The following CACNG3 variants were observed in gnomAD, a reference collection of about 807,000 sequenced individuals.
The protein encoded by CACNG3 is calcium voltage-gated channel auxiliary subunit gamma 3, also known as voltage-dependent calcium channel gamma-3 subunit.
In CACNG3, 3 loss-of-function variants were observed where a neutral mutation model predicts 28.5. That is an observed-to-expected ratio of 0.11 (90% confidence interval 0.05 to 0.27). The LOEUF (loss-of-function observed/expected upper bound fraction) is 0.27, where lower values mean the gene tolerates loss of function less well. Among genes scored for constraint, CACNG3 ranks in the 10% least tolerant of loss-of-function variants. The pLI is 1.00. For synonymous variants in CACNG3, 174 were observed against 162.2 expected (o/e 1.07, Z -0.55); for missense variants, 236 against 414.4 (o/e 0.57, Z 3.74).
intron 1 of CACNG3, among the ~76,000 whole-genome samples, chr16:24,309,776 TAC>T (rs1899235614): frequency 6.6e-6 from 1 of 152,006 alleles, no homozygotes; most frequent in Admixed American, 6.6e-5. Flanking sequence ...TGAGTGGGAA[TAC>T]AGAGGAGGAG....
chr16:24,296,206 C>T (rs1401664111), intron 1 of CACNG3, among the ~76,000 whole-genome samples: 1 of 152,176 alleles, frequency 6.6e-6, no homozygotes, highest in Non-Finnish European at 1.5e-5. Flanking sequence ...CTGCCTTCTG[C>T]CACCCTCAGG....
chr16:24,298,585 C>T (rs1039713109), intron 1 of CACNG3, among the ~76,000 whole-genome samples: 5 of 152,216 alleles, frequency 3.3e-5, no homozygotes, highest in African/African-American at 4.8e-5. Flanking sequence ...GTTCCCCCAT[C>T]GTTAAGATGT....
At chr16:24,259,665 G>A (rs1898513137) in intron 1 of CACNG3, among the ~76,000 whole-genome samples, 1 of 152,066 alleles carries the variant, frequency 6.6e-6, no homozygotes, top group Non-Finnish European at 1.5e-5. Flanking sequence ...ATATCTGAAG[G>A]GCTGTCATAT....
At chr16:24,335,255 A>G (rs1311031284) in intron 1 of CACNG3, among the ~76,000 whole-genome samples, 1 of 152,098 alleles carries the variant, frequency 6.6e-6, no homozygotes, top group African/African-American at 2.4e-5. Flanking sequence ...CGCTGTCTGT[A>G]CTAAAAATAT....
At chr16:24,308,168 A>T (rs1193600112) in intron 1 of CACNG3, among the ~76,000 whole-genome samples, 2 of 152,218 alleles carry the variant, frequency 1.3e-5, no homozygotes, top group African/African-American at 4.8e-5. Flanking sequence ...ACATTGCTTG[A>T]ATGAAGAGAT....
intron 1 of CACNG3, among the ~76,000 whole-genome samples, chr16:24,324,903 C>T (rs1455153568): frequency 6.6e-6 from 1 of 152,140 alleles, no homozygotes; most frequent in Non-Finnish European, 1.5e-5. Context: ...AACTCTCAGG[C>T]CACACAGCTC....
At chr16:24,269,746 C>CA (rs1163565728) in intron 1 of CACNG3, among the ~76,000 whole-genome samples, 4,828 of 70,918 alleles carry the variant, frequency 0.068, 196 homozygotes, top group African/African-American at 0.092. Flanking sequence ...GACTCCATCT[C>CA]AAAAAAAAAA....
chr16:24,358,722 A>G (rs1287692051), intron 3 of CACNG3, among the ~76,000 whole-genome samples: 1 of 152,148 alleles, frequency 6.6e-6, no homozygotes, highest in Non-Finnish European at 1.5e-5. Flanking sequence ...ATCTAAATCC[A>G]CCATGGCTAA....
chr16:24,286,484 G>T (rs1266786650), intron 1 of CACNG3, among the ~76,000 whole-genome samples: 1 of 151,712 alleles, frequency 6.6e-6, no homozygotes, highest in East Asian at 1.9e-4. Context: ...TTTGAAAGGA[G>T]ATCCCCTAGA....
chr16:24,336,295 G>A (rs1364558603), intron 1 of CACNG3, among the ~76,000 whole-genome samples: 3 of 149,794 alleles, frequency 2.0e-5, no homozygotes, highest in Admixed American at 6.6e-5. Flanking sequence ...TTTTTGAGAC[G>A]GAGTCTCGCT....
chr16:24,299,677 A>T (rs1404242426), intron 1 of CACNG3, among the ~76,000 whole-genome samples: 1 of 152,226 alleles, frequency 6.6e-6, no homozygotes, highest in East Asian at 1.9e-4. Flanking sequence ...TAAGCTGAAC[A>T]TGACTTCATA....
intron 1 of CACNG3, among the ~76,000 whole-genome samples, chr16:24,272,546 A>C (rs1898704499): frequency 6.6e-6 from 1 of 152,126 alleles, no homozygotes; most frequent in Non-Finnish European, 1.5e-5. Flanking sequence ...TTGTCATGTA[A>C]GTTGAATTTA....
intron 3 of CACNG3, among the ~76,000 whole-genome samples, chr16:24,357,000 G>A (rs144104119): frequency 1.3e-5 from 2 of 152,076 alleles, no homozygotes; most frequent in Non-Finnish European, 1.5e-5. Flanking sequence ...ACTTTGGAAG[G>A]CTGAGGCGGG....
chr16:24,317,559 AAAG>A, intron 1 of CACNG3, among the ~76,000 whole-genome samples: 2 of 19,800 alleles, frequency 1.0e-4, no homozygotes, highest in African/African-American at 5.4e-4. Flanking sequence ...AAAGAAAAAG[AAAG>A]AAAGAAAGAA....
chr16:24,361,377 A>T lies in CACNG3; in HGVS notation c.462A>T (p.Ile154=). ...GGTTAAGCAACATCATTGGCATCAT[A>T]GTTTATATATCAGCCAACGCCGGAG... The part of the protein sequence containing the change: ...SAGLSNIIGI[I]VYISANAGDP... The change falls in exon 4 of 4, where the codon ATA becomes ATT. Residue 154 remains isoleucine (I), a synonymous_variant. Coordinates refer to ENST00000005284, the MANE Select transcript of CACNG3 (RefSeq NM_006539.4). The surrounding 1 kb of genome is among the most constrained non-coding windows in gnomAD (Gnocchi z 6.8). The T allele has an allele frequency of 6.2e-7, 1 of 1,606,816 alleles. No individual in the cohort carries two copies. Among genetic ancestry groups the T allele is most frequent in the Non-Finnish European group, 8.5e-7 (1 of 1,176,974 alleles).
chr16:24,356,905 A>T (rs1900039773), intron 3 of CACNG3, among the ~76,000 whole-genome samples: 1 of 152,110 alleles, frequency 6.6e-6, no homozygotes. Context: ...GAGCAAAGTC[A>T]TGTCTTAACA....
intron 1 of CACNG3, among the ~76,000 whole-genome samples, chr16:24,340,051 C>T (rs1899763041): frequency 6.6e-6 from 1 of 152,136 alleles, no homozygotes; most frequent in African/African-American, 2.4e-5. Flanking sequence ...GGGAAGATTG[C>T]TTGAGTCCAG....
intron 1 of CACNG3, among the ~76,000 whole-genome samples, chr16:24,292,989 GA>G (rs1230806468): frequency 1.4e-4 from 22 of 152,194 alleles, no homozygotes; most frequent in Admixed American, 1.4e-3. Flanking sequence ...CAGAAAATGA[GA>G]AGACATTTAT....
chr16:24,288,872 A>AACACAC (rs143449429), intron 1 of CACNG3, among the ~76,000 whole-genome samples: 3 of 148,754 alleles, frequency 2.0e-5, no homozygotes, highest in African/African-American at 4.9e-5. Context: ...GTGACACATA[A>AACACAC]ACACACACAC....
Sources: allele counts gnomAD v4.1 joint callset (sites outside exome capture counted in the v4.1 genomes callset), GRCh38; gene constraint gnomAD v4.1.1; non-coding constraint Gnocchi (gnomAD v3.1); transcripts MANE v1.5; gene names NCBI Gene and HGNC (gene_info 2026-07-23, HGNC 2026-07-21).